The following RSU1 variants were observed in gnomAD, a reference collection of about 807,000 sequenced individuals.
RSU1 encodes Ras suppressor protein 1.
RSU1 carries 26 observed loss-of-function variants against 31.1 expected under a neutral mutation model. That is an observed-to-expected ratio of 0.84 (90% CI 0.61 to 1.16). The LOEUF is 1.16. RSU1 is among the 50% of genes most tolerant of loss of function. The pLI is 0.00. For synonymous variants in RSU1, 164 were observed against 136.3 expected, an observed-to-expected ratio of 1.20 and a Z score of -1.41; for missense variants, 320 against 339.1, an observed-to-expected ratio of 0.94 and a Z score of 0.44.
rs1588676966 is a variant in RSU1 at position 16,617,904 on chromosome 10, A to G, written c.732-24408T>C. On this transcript the variant is annotated intron_variant, in intron 8 of 8. Transcript: ENST00000345264. ...CCTAGAAGAAAACCTAGGCAATTCC[A>G]TTCAGGACATAGGCATGGGCAAAGA... 4.6e-5 allele frequency among the ~76,000 whole-genome samples: 7 copies of G among 152,366 alleles called. No homozygotes were observed. The South Asian group carries it at 1.2e-3, about 27-fold the overall frequency.
At chr10:16,692,622 T>A (rs79861841) in intron 8 of RSU1, among the ~76,000 whole-genome samples, 3 of 152,146 alleles carry the variant, frequency 2.0e-5, no homozygotes, top group Admixed American at 2.0e-4. Flanking sequence ...ACGATAGCAA[T>A]GATTAACAAT....
At chr10:16,716,581 T>C (rs1343697065) in intron 7 of RSU1, among the ~76,000 whole-genome samples, 2 of 151,984 alleles carry the variant, frequency 1.3e-5, no homozygotes, top group Non-Finnish European at 2.9e-5. Context: ...ACCACACTCA[T>C]CAGGTGAGAT....
At chr10:16,687,963 T>G (rs888800463) in intron 8 of RSU1, among the ~76,000 whole-genome samples, 2 of 152,134 alleles carry the variant, frequency 1.3e-5, no homozygotes, top group African/African-American at 2.4e-5. Flanking sequence ...GCTCAAGTGA[T>G]CCTCCTGCCT....
At chr10:16,634,690 C>A (rs550240241) in intron 8 of RSU1, among the ~76,000 whole-genome samples, 1 of 152,268 alleles carries the variant, frequency 6.6e-6, no homozygotes, top group East Asian at 1.9e-4. Context: ...CCATTTGGCA[C>A]AATTCCACCA....
intron 8 of RSU1, among the ~76,000 whole-genome samples, chr10:16,657,821 G>A (rs989877964): frequency 2.0e-5 from 3 of 151,850 alleles, no homozygotes; most frequent in Non-Finnish European, 4.4e-5. Context: ...GGTGAAACCC[G>A]ATCTCTACTA....
At chr10:16,793,097 A>C (rs1440535260) in intron 2 of RSU1, among the ~76,000 whole-genome samples, 1 of 143,740 alleles carries the variant, frequency 7.0e-6, no homozygotes, top group Non-Finnish European at 1.5e-5. Context: ...TATCATATTC[A>C]CCAACACACC....
intron 2 of RSU1, among the ~76,000 whole-genome samples, chr10:16,800,972 A>AAAC (rs1838143397): frequency 6.6e-6 from 1 of 151,900 alleles, no homozygotes; most frequent in African/African-American, 2.4e-5. Context: ...CAAAAAAAAA[A>AAAC]AGAACAAGGG....
At chr10:16,735,432 C>A (rs756778364) in intron 7 of RSU1, among the ~76,000 whole-genome samples, 2 of 152,160 alleles carry the variant, frequency 1.3e-5, no homozygotes, top group Non-Finnish European at 2.9e-5. Context: ...ATAATTATAC[C>A]TTTCCACATT....
intron 8 of RSU1, among the ~76,000 whole-genome samples, chr10:16,686,380 C>T (rs1341267432): frequency 6.6e-6 from 1 of 152,064 alleles, no homozygotes; most frequent in East Asian, 1.9e-4. Context: ...AGTTAATAAT[C>T]AATATGTAGA....
At chr10:16,705,368 T>C (rs1835875995) in intron 7 of RSU1, among the ~76,000 whole-genome samples, 1 of 152,240 alleles carries the variant, frequency 6.6e-6, no homozygotes, top group Admixed American at 6.5e-5. Context: ...CTCTGTATGT[T>C]TTAAATAATC....
intron 8 of RSU1, among the ~76,000 whole-genome samples, chr10:16,655,074 A>AAG (rs201489029): frequency 1.9e-4 from 15 of 77,554 alleles, no homozygotes; most frequent in Admixed American, 2.6e-4. Flanking sequence ...AAAAAAAAAA[A>AAG]AGAGAGAGAG....
chr10:16,770,797 T>C (rs1837409528), intron 3 of RSU1, among the ~76,000 whole-genome samples: 1 of 152,202 alleles, frequency 6.6e-6, no homozygotes, highest in Admixed American at 6.5e-5. Context: ...TCCGCCCTTG[T>C]GCTGCAATGG....
chr10:16,654,818 G>C (rs938479425), intron 8 of RSU1, among the ~76,000 whole-genome samples: 3 of 151,984 alleles, frequency 2.0e-5, no homozygotes, highest in Non-Finnish European at 2.9e-5. Context: ...GAGCGCTCCT[G>C]GAAGCCAAGG....
At chr10:16,726,873 G>A (rs1158116552) in intron 7 of RSU1, among the ~76,000 whole-genome samples, 2 of 152,106 alleles carry the variant, frequency 1.3e-5, no homozygotes, top group Non-Finnish European at 2.9e-5. Flanking sequence ...AAGCGAGCCA[G>A]TAGGTTCAAG....
At chr10:16,727,780 T>C (rs938751490) in intron 7 of RSU1, among the ~76,000 whole-genome samples, 1 of 152,212 alleles carries the variant, frequency 6.6e-6, no homozygotes, top group African/African-American at 2.4e-5. Flanking sequence ...TACTTTTAGA[T>C]GACAAGTCGT....
chr10:16,784,400 G>A (rs1837726209), intron 2 of RSU1, among the ~76,000 whole-genome samples: 2 of 152,136 alleles, frequency 1.3e-5, no homozygotes, highest in South Asian at 4.1e-4. Context: ...CTGAGACTGA[G>A]TAATTTATAA....
intron 7 of RSU1, among the ~76,000 whole-genome samples, chr10:16,747,776 T>TA (rs999001131): frequency 3.9e-5 from 6 of 152,340 alleles, no homozygotes; most frequent in Admixed American, 2.0e-4. Context: ...CTCATGCCTG[T>TA]AATCCCAGTG....
chr10:16,763,579 G>A (rs1189745340), intron 4 of RSU1, among the ~76,000 whole-genome samples: 3 of 152,140 alleles, frequency 2.0e-5, no homozygotes, highest in Non-Finnish European at 2.9e-5. Flanking sequence ...CAACACTGGG[G>A]ATTACAATTC....
At chr10:16,769,676 C>T (rs1244902431) in intron 3 of RSU1, among the ~76,000 whole-genome samples, 1 of 152,212 alleles carries the variant, frequency 6.6e-6, no homozygotes, top group Non-Finnish European at 1.5e-5. Context: ...TGGGAACCCT[C>T]TTTTGGCTCA....
Sources: allele counts gnomAD v4.1 joint callset (sites outside exome capture counted in the v4.1 genomes callset), GRCh38; gene constraint gnomAD v4.1.1; transcripts MANE v1.5; gene names NCBI Gene and HGNC (gene_info 2026-07-23, HGNC 2026-07-21).